Variants in SLC24A2 observed in about 807,000 individuals in gnomAD.
The protein encoded by SLC24A2 is sodium/potassium/calcium exchanger 2.
A neutral mutation model predicts 62.0 loss-of-function variants in SLC24A2; 36 were observed. The observed-to-expected ratio is 0.58, with a 90% CI of 0.44 to 0.77. The LOEUF (loss-of-function observed/expected upper bound fraction) is 0.77, where lower values mean the gene tolerates loss of function less well. Among genes scored for constraint, SLC24A2 ranks in the 30% least tolerant of loss-of-function variants. The pLI, the probability that SLC24A2 is intolerant of heterozygous loss-of-function variation, is 0.00. For synonymous variants in SLC24A2, 358 were observed against 294.0 expected, an observed-to-expected ratio of 1.22 and a Z score of -2.23; for missense variants, 846 against 817.9, an observed-to-expected ratio of 1.03 and a Z score of -0.42.
chr9:19,817,752 C>A, the SLC24A2 span, among the ~76,000 whole-genome samples: 4 of 151,966 alleles, frequency 2.6e-5, no homozygotes, highest in Non-Finnish European at 5.9e-5. Context: ...TTTTAAGAGA[C>A]AAATTCTTGC....
intron 2 of SLC24A2, among the ~76,000 whole-genome samples, chr9:19,749,232 T>C (rs1034596759): frequency 6.6e-6 from 1 of 151,924 alleles, no homozygotes; most frequent in Non-Finnish European, 1.5e-5. Flanking sequence ...TCAATTCTTT[T>C]AAAATGAGAT....
intron 2 of SLC24A2, among the ~76,000 whole-genome samples, chr9:19,772,323 C>T (rs1410445561): frequency 1.3e-5 from 2 of 152,084 alleles, no homozygotes; most frequent in African/African-American, 2.4e-5. Flanking sequence ...TAGGGTTGAT[C>T]CAAGGGTCTC....
At chr9:20,015,476 C>G in the SLC24A2 span, among the ~76,000 whole-genome samples, 1 of 152,222 alleles carries the variant, frequency 6.6e-6, no homozygotes, top group Admixed American at 6.5e-5. Context: ...TGAGCTGCTA[C>G]AGCCTCTGAC....
chr9:20,203,601 C>G, the SLC24A2 span, among the ~76,000 whole-genome samples: 4 of 151,946 alleles, frequency 2.6e-5, no homozygotes, highest in Admixed American at 2.0e-4. Flanking sequence ...CCTAGCACTT[C>G]AAGAGGCCAA....
At chr9:20,062,458 A>G in the SLC24A2 span, among the ~76,000 whole-genome samples, 2 of 113,120 alleles carry the variant, frequency 1.8e-5, no homozygotes, top group African/African-American at 7.9e-5. Context: ...CTGAAACTGG[A>G]TTCCTTCCTT....
the SLC24A2 span, among the ~76,000 whole-genome samples, chr9:20,051,460 T>A: frequency 6.6e-6 from 1 of 151,968 alleles, no homozygotes; most frequent in Non-Finnish European, 1.5e-5. Flanking sequence ...CATGGATAGA[T>A]AAGATGTCAA....
chr9:19,622,621 A>G (rs1192870599), intron 2 of SLC24A2, among the ~76,000 whole-genome samples: 4 of 152,210 alleles, frequency 2.6e-5, no homozygotes, highest in Admixed American at 6.5e-5. Flanking sequence ...TGAATGAGGT[A>G]ATTCACATGT....
chr9:19,585,351 G>T (rs2132872974), intron 5 of SLC24A2, among the ~76,000 whole-genome samples: 1 of 152,144 alleles, frequency 6.6e-6, no homozygotes, highest in South Asian at 2.1e-4. Flanking sequence ...TTTCAGATTG[G>T]CTTCTGTGTT....
At chr9:19,706,670 G>A (rs1262108300) in intron 2 of SLC24A2, among the ~76,000 whole-genome samples, 4 of 151,996 alleles carry the variant, frequency 2.6e-5, no homozygotes, top group South Asian at 2.1e-4. Flanking sequence ...GAGCCACCGC[G>A]CCCGGCCGGG....
At chr9:20,040,925 C>A in the SLC24A2 span, among the ~76,000 whole-genome samples, 2 of 152,210 alleles carry the variant, frequency 1.3e-5, no homozygotes, top group South Asian at 4.1e-4. Context: ...ATGGGTCACA[C>A]AACCTATATG....
intron 2 of SLC24A2, among the ~76,000 whole-genome samples, chr9:19,651,790 C>G (rs1818808648): frequency 6.6e-6 from 1 of 152,146 alleles, no homozygotes; most frequent in Non-Finnish European, 1.5e-5. Flanking sequence ...TCATCAAACC[C>G]ATGACAGTGC....
chr9:19,561,552 A>C (rs751527808), intron 7 of SLC24A2, among the ~76,000 whole-genome samples: 1 of 149,028 alleles, frequency 6.7e-6, no homozygotes, highest in Non-Finnish European at 1.5e-5. Context: ...TTCCTGCCTC[A>C]GCCTCCCGAG....
the SLC24A2 span, among the ~76,000 whole-genome samples, chr9:20,293,767 T>C: frequency 6.6e-6 from 1 of 152,084 alleles, no homozygotes; most frequent in African/African-American, 2.4e-5. Flanking sequence ...TATTTTCTGT[T>C]GTCAATTTGC....
chr9:20,211,109 G>A, the SLC24A2 span, among the ~76,000 whole-genome samples: 79 of 144,164 alleles, frequency 5.5e-4, no homozygotes, highest in African/African-American at 1.9e-3. Context: ...GGAGCTAATG[G>A]CAAAAAAAAA....
the SLC24A2 span, among the ~76,000 whole-genome samples, chr9:19,932,991 T>TC: frequency 6.6e-6 from 1 of 152,244 alleles, no homozygotes; most frequent in South Asian, 2.1e-4. Flanking sequence ...TTGGAATTTT[T>TC]CTCTGGAAAG....
At chr9:20,148,173 G>A in the SLC24A2 span, among the ~76,000 whole-genome samples, 1 of 151,864 alleles carries the variant, frequency 6.6e-6, no homozygotes, top group Admixed American at 6.6e-5. Context: ...ATTTGAAAGG[G>A]GAAAGGGTAG....
At chr9:19,854,402 A>T in the SLC24A2 span, among the ~76,000 whole-genome samples, 1 of 151,998 alleles carries the variant, frequency 6.6e-6, no homozygotes, top group South Asian at 2.1e-4. Flanking sequence ...TCAATTTGAG[A>T]TCTTTCTGGC....
chr9:19,836,994 T>C, the SLC24A2 span, among the ~76,000 whole-genome samples: 1 of 152,214 alleles, frequency 6.6e-6, no homozygotes, highest in Admixed American at 6.5e-5. Context: ...ATTATCTCAA[T>C]AGATGCAGAA....
At chr9:19,679,838 CTGTGTGTGTG>C (rs58253967) in intron 2 of SLC24A2, among the ~76,000 whole-genome samples, 1,927 of 142,456 alleles carry the variant, frequency 0.014, 20 homozygotes, top group South Asian at 0.061. Flanking sequence ...CTCACATATA[CTGTGTGTGTG>C]TGTGTGTGTG....
Sources: allele counts gnomAD v4.1 joint callset (sites outside exome capture counted in the v4.1 genomes callset), GRCh38; gene constraint gnomAD v4.1.1; transcripts MANE v1.5; gene names NCBI Gene and HGNC (gene_info 2026-07-23, HGNC 2026-07-21).